Variants in CCNT1 observed in about 807,000 individuals in gnomAD.
CCNT1 encodes cyclin T1.
A neutral mutation model predicts 67.3 loss-of-function variants in CCNT1; 18 were observed. That is an observed-to-expected ratio of 0.27 (90% CI 0.18 to 0.40). The LOEUF (loss-of-function observed/expected upper bound fraction) is 0.40, where lower values mean the gene tolerates loss of function less well. CCNT1 is among the 10% of genes least tolerant of loss of function. The probability of loss-of-function intolerance (pLI) is 1.00; values close to 1 mark genes in which losing one functional copy is unlikely to be tolerated. For synonymous variants in CCNT1, 333 were observed against 310.3 expected, an observed-to-expected ratio of 1.07 and a Z score of -0.77; for missense variants, 744 against 884.9, an observed-to-expected ratio of 0.84 and a Z score of 2.02.
Position 48,693,386 on chromosome 12 carries a change from T to A in CCNT1, c.1828A>T (p.Met610Leu). The A allele has an allele frequency of 6.2e-7, 1 of 1,614,142 alleles. No individual in the cohort carries two copies. Among genetic ancestry groups the A allele is most frequent in the Non-Finnish European group, 8.5e-7 (1 of 1,180,020 alleles). ...GAGCTATGCCCAGGCATCTGACCCA[T>A]TGTAGGAAGTGAAGGGAAGGAGAAA... The part of the protein sequence containing the change: ...LNFSFPSLPT[M>L]GQMPGHSSDT... The change falls in exon 9 of 9, where the codon ATG becomes TTG. Residue 610 changes from methionine (M) to leucine (L), a missense_variant. This residue lies in a region of CCNT1 where 564 missense variants were observed against 574.2 expected (regional missense o/e 0.98). Coordinates refer to ENST00000261900, the MANE Select transcript of CCNT1 (RefSeq NM_001240.4).
At position 48,693,996 on chromosome 12, in the gene CCNT1, T is replaced by C; in HGVS notation, c.1218A>G (p.Gln406=). The change falls in exon 9 of 9, where the codon CAA becomes CAG. Residue 406 remains glutamine (Q), a synonymous_variant. Coordinates refer to ENST00000261900, the MANE Select transcript of CCNT1 (RefSeq NM_001240.4). ...TCACATTGGCTTCCATGTTCTCCAGTTGCCTCTTCTGGGCAGCCAATTCTT... is the reference window on the plus strand; with the variant it reads ...TCACATTGGCTTCCATGTTCTCCAGCTGCCTCTTCTGGGCAGCCAATTCTT... The part of the protein sequence containing the change: ...HAEELAAQKR[Q]LENMEANVKS... 1 of 1,614,248 alleles carries C rather than the reference T, an allele frequency of 6.2e-7. No individual in the cohort carries two copies. The highest frequency in any genetic ancestry group is 8.5e-7 in the Non-Finnish European group (1 of 1,180,042).
chr12:48,697,920 T>G, intron 6 of CCNT1: 1 of 283,052 alleles, frequency 3.5e-6, no homozygotes, highest in Non-Finnish European at 6.8e-6. Context: ...AGATTTTCAG[T>G]CACTATCATG....
At position 48,693,724 on chromosome 12, in the gene CCNT1, T is replaced by TG. The variant is rs1275995171; in HGVS notation, c.1489_1490insC (p.Glu497AlafsTer20). 32 of 1,614,066 alleles carry TG rather than the reference T, an allele frequency of 2.0e-5. No individual in the cohort carries two copies. The highest frequency in any genetic ancestry group is 2.5e-5 in the Non-Finnish European group (30 of 1,180,046). ...CTCTCGGCTCTTTGTAACACTGTCC[T>TG]CTACAGAATTGTGCTTATCAGCTGC... On this transcript the variant is annotated frameshift_variant, in exon 9 of 9. Coordinates refer to ENST00000261900, the MANE Select transcript of CCNT1 (RefSeq NM_001240.4). LOFTEE classifies it high-confidence loss of function.
chr12:48,693,809 C>CGAG lies in CCNT1; in HGVS notation c.1404_1405insCTC (p.Gly468_Gly469insLeu). 1 of 1,614,064 alleles carries CGAG rather than the reference C, an allele frequency of 6.2e-7. No homozygotes were observed. The highest frequency in any genetic ancestry group is 1.1e-5 in the South Asian group (1 of 91,072). On this transcript the variant is annotated inframe_insertion, in exon 9 of 9. Coordinates refer to ENST00000261900, the MANE Select transcript of CCNT1 (RefSeq NM_001240.4). The stretch of plus-strand genomic sequence containing the variant: ...GGTTTTGAAGACGCAGCTTTATCTC[C>CGAG]ACCTGCCACTGGGATTCTCATTTTG...
chr12:48,703,252 G>A (rs1182643769), intron 3 of CCNT1, among the ~76,000 whole-genome samples: 1 of 151,762 alleles, frequency 6.6e-6, no homozygotes, highest in African/African-American at 2.4e-5. Context: ...ACTCTATCCT[G>A]GGCAACAAAA....
At chr12:48,716,432 G>T in intron 1 of CCNT1, 83 bp downstream of exon 1, 2 of 1,280,468 alleles carry the variant, frequency 1.6e-6, no homozygotes, top group Non-Finnish European at 2.1e-6. Flanking sequence ...CCCCACTTTC[G>T]TCCCCCCCAC....
rs1165600394 is a variant in CCNT1 at position 48,701,068 on chromosome 12, A to G, written c.378T>C (p.Tyr126=). 3 of 1,589,360 alleles carry G rather than the reference A, an allele frequency of 1.9e-6. No individual in the cohort carries two copies. The highest frequency in any genetic ancestry group is 1.7e-5 in the Admixed American group (1 of 58,402). The part of the protein sequence containing the change: ...ESLPDTRSEA[Y]LQQVQDLVIL... ...TGACCAGATCTTGAACTTGTTGCAA[A>G]TAAGCCTAAAAGTGAGAAGACAGAA... Residue 126 remains tyrosine (Y), a synonymous_variant, in exon 4 of 9, where the codon TAT becomes TAC. Coordinates refer to ENST00000261900, the MANE Select transcript of CCNT1 (RefSeq NM_001240.4).
In CCNT1 at chr12:48,692,979, G is replaced by T; in HGVS notation, c.*54C>A. 1.4e-5 allele frequency: 16 copies of T among 1,106,040 alleles called. No homozygotes were observed. The highest frequency in any genetic ancestry group is 1.9e-5 in the Non-Finnish European group (15 of 793,156). The allele number at this position is 1,106,040 out of a possible 1,614,324, so 68.5% of individuals were successfully genotyped here. A position where few individuals can be genotyped will look rare whatever the true frequency, so the allele number is the denominator to read the frequency against. Reference sequence around the variant, plus strand: ...ATTTTCTTAGTCCAAAAAAAAAAAAGAAAAATTATGTGTTTTTTTAAAGAA... The same window carrying T: ...ATTTTCTTAGTCCAAAAAAAAAAAATAAAAATTATGTGTTTTTTTAAAGAA... On this transcript the variant is annotated 3_prime_UTR_variant, in exon 9 of 9. Transcript: ENST00000261900.
In CCNT1 at chr12:48,692,937, G is replaced by GCAAT; in HGVS notation, c.*95_*96insATTG. ...TCAATTTATTCCCTAGTCCAAGGATGACATATTTCATAAGTAATTTTCTTA... is the reference window on the plus strand; with the variant it reads ...TCAATTTATTCCCTAGTCCAAGGATGCAATACATATTTCATAAGTAATTTTCTTA... On this transcript the variant is annotated 3_prime_UTR_variant, in exon 9 of 9. Transcript: ENST00000261900. 1.3e-6 allele frequency: 1 copy of GCAAT among 787,300 alleles called. No homozygotes were observed. Among genetic ancestry groups the GCAAT allele is most frequent in the Non-Finnish European group, 2.0e-6 (1 of 503,718 alleles). The allele number at this position is 787,300 out of a possible 1,614,324, so 48.8% of individuals were successfully genotyped here.
rs1472372814 is a variant in CCNT1, at chr12:48,689,490, G to A, written c.*3543C>T. On this transcript the variant is annotated 3_prime_UTR_variant, in exon 9 of 9. Transcript: ENST00000261900. ...CAAGCAGCAACTCAAGAAACTTGGG[G>A]AGGTATCAAAGTCACTGAAAGCTTA... The A allele has an allele frequency of 6.6e-6, 1 of 152,162 alleles. No individual in the cohort carries two copies. Among genetic ancestry groups the A allele is most frequent in the African/African-American group, 2.4e-5 (1 of 41,438 alleles). The allele number at this position is 152,162 out of a possible 1,614,324, so 9.4% of individuals were successfully genotyped here.
intron 6 of CCNT1, 97 bp downstream of exon 6, chr12:48,698,041 T>C: frequency 1.5e-6 from 1 of 680,200 alleles, no homozygotes. Context: ...TGCAGAAAAA[T>C]CAACATTCAC....
At chr12:48,703,186 G>A (rs568784729) in intron 3 of CCNT1, among the ~76,000 whole-genome samples, 5 of 151,858 alleles carry the variant, frequency 3.3e-5, no homozygotes, top group African/African-American at 9.7e-5. Context: ...AGGCCAAGGC[G>A]GGCGGATCAC....
chr12:48,712,595 T>TAAAAAAAAAAAA (rs759919820), intron 2 of CCNT1, among the ~76,000 whole-genome samples: 8 of 33,374 alleles, frequency 2.4e-4, no homozygotes, highest in African/African-American at 2.9e-4. Context: ...AAAAAAAAAA[T>TAAAAAAAAAAAA]AAAAAAAAAA....
intron 5 of CCNT1, among the ~76,000 whole-genome samples, chr12:48,698,391 A>C: frequency 6.6e-6 from 1 of 152,230 alleles, no homozygotes; most frequent in East Asian, 1.9e-4. Flanking sequence ...ATTAATAACT[A>C]TGCTGCTTCC....
At position 48,693,669 on chromosome 12, in the gene CCNT1, A is replaced by T. The variant is rs766286862; in HGVS notation, c.1545T>A (p.Ser515=). 1.2e-6 allele frequency: 2 copies of T among 1,614,206 alleles called. No individual in the cohort carries two copies. Among genetic ancestry groups the T allele is most frequent in the Non-Finnish European group, 1.7e-6 (2 of 1,180,042 alleles). ...GGTGATTATGATGATGATGATGATT[A>T]GATGGGTGAGTCTTGTGCTTTTCTT... ...EHKEKHKTHP[S]NHHHHHNHHS... is the part of the protein sequence containing the mutation. The change falls in exon 9 of 9, where the codon TCT becomes TCA. Residue 515 remains serine, a synonymous_variant. Coordinates refer to ENST00000261900, the MANE Select transcript of CCNT1 (RefSeq NM_001240.4).
intron 3 of CCNT1, among the ~76,000 whole-genome samples, chr12:48,704,445 G>A (rs1940323142): frequency 6.6e-6 from 1 of 152,108 alleles, no homozygotes; most frequent in Non-Finnish European, 1.5e-5. Flanking sequence ...TGCTCTTTAT[G>A]AGAATCTAAT....
At chr12:48,713,511 T>C (rs899796243) in intron 2 of CCNT1, among the ~76,000 whole-genome samples, 1 of 152,222 alleles carries the variant, frequency 6.6e-6, no homozygotes, top group Non-Finnish European at 1.5e-5. Context: ...ATGCCAGGAA[T>C]GGCGGCTCAT....
intron 2 of CCNT1, among the ~76,000 whole-genome samples, chr12:48,712,070 A>G (rs1016244803): frequency 2.0e-5 from 3 of 152,214 alleles, no homozygotes; most frequent in Admixed American, 1.3e-4. Flanking sequence ...CTGGGATTAC[A>G]GGCGTTGAGC....
At chr12:48,715,097 G>A (rs900934521) in intron 1 of CCNT1, among the ~76,000 whole-genome samples, 2 of 152,228 alleles carry the variant, frequency 1.3e-5, no homozygotes, top group African/African-American at 4.8e-5. Context: ...ACAGGCGCGA[G>A]CCACCGCGCC....
Sources: gnomAD v4.1 joint callset for allele counts (sites outside exome capture counted in the v4.1 genomes callset) on GRCh38, gnomAD v4.1.1 for gene constraint, gnomAD v4.1.1 regional missense constraint, MANE v1.5 for transcripts, NCBI Gene and HGNC (gene_info 2026-07-23, HGNC 2026-07-21) for gene names.